Variants in HDGFL3 observed in about 807,000 individuals in gnomAD.
HDGFL3 encodes hepatoma-derived growth factor-related protein 3.
HDGFL3 carries 6 observed loss-of-function variants against 27.6 expected under a neutral mutation model. The observed-to-expected ratio is 0.22, with a 90% CI of 0.12 to 0.43. The LOEUF (loss-of-function observed/expected upper bound fraction) is 0.43. Among genes scored for constraint, HDGFL3 ranks in the 20% least tolerant of loss-of-function variants. The pLI, the probability that HDGFL3 is intolerant of heterozygous loss-of-function variation, is 1.00. For synonymous variants in HDGFL3, 88 were observed against 88.9 expected (o/e 0.99, Z 0.05); for missense variants, 207 against 250.1 (o/e 0.83, Z 1.16).
chr15:83,133,599 AG>A lies in HDGFL3; in HGVS notation c.*5670del, dbSNP rs1292185612. ...ATTGCTAAATTCTGGAGAAATTTCT[AG>A]GATCAACAACTCATATCTGTAATCC... On this transcript the variant is annotated 3_prime_UTR_variant, in exon 6 of 6. Transcript: ENST00000299633. 6.6e-6 allele frequency: 1 copy of A among 152,228 alleles called. No individual in the cohort carries two copies. The highest frequency in any genetic ancestry group is 1.5e-5 in the Non-Finnish European group (1 of 68,038). The allele number at this position is 152,228 out of a possible 1,614,324, so 9.4% of individuals were successfully genotyped here.
chr15:83,169,470 C>CA (rs1229881157), intron 1 of HDGFL3, among the ~76,000 whole-genome samples: 3 of 120,828 alleles, frequency 2.5e-5, no homozygotes, highest in African/African-American at 9.0e-5. Context: ...AAGAAGAAGT[C>CA]AAAATTATCT....
At chr15:83,168,392 G>A (rs1305748359) in intron 1 of HDGFL3, among the ~76,000 whole-genome samples, 1 of 152,098 alleles carries the variant, frequency 6.6e-6, no homozygotes, top group Non-Finnish European at 1.5e-5. Context: ...GGATAAACAA[G>A]ATCCATAGAT....
At chr15:83,173,754 A>G (rs2037274643) in intron 1 of HDGFL3, among the ~76,000 whole-genome samples, 1 of 152,196 alleles carries the variant, frequency 6.6e-6, no homozygotes, top group Non-Finnish European at 1.5e-5. Context: ...TAGGGATGAA[A>G]TTACAAACAT....
chr15:83,160,606 C>A (rs1268070944), intron 2 of HDGFL3, among the ~76,000 whole-genome samples: 3 of 151,998 alleles, frequency 2.0e-5, no homozygotes, highest in Admixed American at 6.6e-5. Flanking sequence ...ATTTAAAATC[C>A]AGTTTAGACA....
intron 1 of HDGFL3, among the ~76,000 whole-genome samples, chr15:83,164,626 T>C (rs1208078426): frequency 1.3e-5 from 2 of 152,206 alleles, no homozygotes; most frequent in South Asian, 4.1e-4. Context: ...TTCAAATCTG[T>C]CTATAGCTTC....
chr15:83,154,433 C>T (rs759836988), intron 4 of HDGFL3, among the ~76,000 whole-genome samples: 6 of 151,986 alleles, frequency 3.9e-5, no homozygotes, highest in Non-Finnish European at 7.4e-5. Context: ...GCTAGGCAAG[C>T]GGTTCTCTAA....
At position 83,198,054 on chromosome 15, in the gene HDGFL3, C is replaced by CAAAAAAAAAAAAAAAAAAA. The variant is rs766372255; in HGVS notation, c.84+9258_84+9276dup. ...GGGGTGACAGAGAGAGACTCCGTCT[C>CAAAAAAAAAAAAAAAAAAA]AAAAAAAAAAAAAAAAAAAAGAAGC... is the stretch of plus-strand genomic sequence containing the variant. On this transcript the variant is annotated intron_variant, in intron 1 of 5. Coordinates refer to ENST00000299633, the MANE Select transcript of HDGFL3 (RefSeq NM_016073.4). Among the ~76,000 whole-genome samples the CAAAAAAAAAAAAAAAAAAA allele has an allele frequency of 1.5e-3, 87 of 57,582 alleles. 5 individuals carry two copies. Among genetic ancestry groups the CAAAAAAAAAAAAAAAAAAA allele is most frequent in the African/African-American group, 4.2e-3 (44 of 10,454 alleles). The allele number at this position is 57,582 out of a possible 152,430, so 37.8% of individuals were successfully genotyped here.
At chr15:83,181,500 G>A (rs1315992930) in intron 1 of HDGFL3, among the ~76,000 whole-genome samples, 1 of 151,856 alleles carries the variant, frequency 6.6e-6, no homozygotes, top group Non-Finnish European at 1.5e-5. Context: ...TTTTGAGATG[G>A]AGTCTCACTC....
At chr15:83,197,959 C>T (rs1411344575) in intron 1 of HDGFL3, among the ~76,000 whole-genome samples, 73 of 104,308 alleles carry the variant, frequency 7.0e-4, no homozygotes, top group Non-Finnish European at 8.8e-4. Flanking sequence ...CTGGGGGCGG[C>T]GGGGAGGGGG....
chr15:83,180,101 C>G (rs1264540067), intron 1 of HDGFL3, among the ~76,000 whole-genome samples: 1 of 150,152 alleles, frequency 6.7e-6, no homozygotes, highest in African/African-American at 2.5e-5. Context: ...TTTCAGGATT[C>G]AATAGTGGAA....
intron 1 of HDGFL3, among the ~76,000 whole-genome samples, chr15:83,170,455 A>G (rs1303885343): frequency 1.3e-5 from 2 of 152,244 alleles, no homozygotes; most frequent in African/African-American, 2.4e-5. Context: ...GTGGACAAAA[A>G]TAAGCAATGG....
Position 83,161,618 on chromosome 15 carries a change from A to C in HDGFL3, c.161+2381T>G, listed in dbSNP as rs533852122. On this transcript the variant is annotated intron_variant, in intron 2 of 5. Transcript: ENST00000299633. The stretch of plus-strand genomic sequence containing the variant: ...TACAGGAAGCATTCTTTTATGAATA[A>C]ATGATACATTTTTACTAGCATTCCG... Among the ~76,000 whole-genome samples the C allele has an allele frequency of 2.2e-4, 33 of 152,282 alleles. No individual in the cohort carries two copies. The Middle Eastern group carries it at 0.014, about 63-fold the overall frequency.
intron 1 of HDGFL3, among the ~76,000 whole-genome samples, chr15:83,191,126 C>T (rs2037506284): frequency 6.6e-6 from 1 of 152,130 alleles, no homozygotes; most frequent in African/African-American, 2.4e-5. Context: ...GTTAATACAT[C>T]TCTCCCTGAG....
exon 4 of HDGFL3, chr15:83,115,611 T>A: frequency 1.5e-6 from 1 of 658,140 alleles, no homozygotes; most frequent in Non-Finnish European, 2.8e-6. Flanking sequence ...TCTCCACTCC[T>A]GTGATGAGTG....
chr15:83,181,897 A>G (rs967898775), intron 1 of HDGFL3, among the ~76,000 whole-genome samples: 8 of 152,368 alleles, frequency 5.3e-5, no homozygotes, highest in Admixed American at 1.3e-4. Flanking sequence ...TATTTTGAAC[A>G]GGCATAAAAT....
chr15:83,199,932 G>C (rs576364636), intron 1 of HDGFL3, among the ~76,000 whole-genome samples: 1 of 151,448 alleles, frequency 6.6e-6, no homozygotes, highest in African/African-American at 2.4e-5. Context: ...TGTAATCTCA[G>C]CTACTCAGGA....
intron 1 of HDGFL3, among the ~76,000 whole-genome samples, chr15:83,195,217 G>C (rs529084756): frequency 6.6e-6 from 1 of 152,194 alleles, no homozygotes; most frequent in South Asian, 2.1e-4. Flanking sequence ...GAAAAATCCT[G>C]TCATCATGTT....
chr15:83,126,903 T>G, downstream of HDGFL3: 1 of 1,457,400 alleles, frequency 6.9e-7, no homozygotes, highest in Non-Finnish European at 9.5e-7. Context: ...TTTTAAAAAA[T>G]GGGTCCCAGC....
chr15:83,146,334 T>A (rs2036891945), intron 5 of HDGFL3, among the ~76,000 whole-genome samples: 2 of 152,224 alleles, frequency 1.3e-5, no homozygotes, highest in South Asian at 4.1e-4. Context: ...CCATGGGTAC[T>A]AAATGTCTTG....
Sources: gnomAD v4.1 joint callset for allele counts (sites outside exome capture counted in the v4.1 genomes callset) on GRCh38, gnomAD v4.1.1 for gene constraint, MANE v1.5 for transcripts, NCBI Gene and HGNC (gene_info 2026-07-23, HGNC 2026-07-21) for gene names.